Variants in RFX4 observed in about 807,000 individuals in gnomAD.
The protein encoded by RFX4 is regulatory factor X4.
In RFX4, 10 loss-of-function variants were observed where a neutral mutation model predicts 95.0. That is an observed-to-expected ratio of 0.11 (90% confidence interval 0.06 to 0.18). The LOEUF is 0.18. RFX4 is among the 10% of genes least tolerant of loss of function. RFX4 has a pLI of 1.00. For synonymous variants in RFX4, 321 were observed against 340.7 expected (o/e 0.94, Z 0.64); for missense variants, 640 against 922.0 (o/e 0.69, Z 3.96).
intron 3 of RFX4, 78 bp from the exon 4 acceptor site, chr12:106,654,150 G>A (rs1347346118): frequency 1.9e-6 from 3 of 1,583,086 alleles, no homozygotes; most frequent in Non-Finnish European, 2.6e-6. Flanking sequence ...GCCCATCTCT[G>A]GAGGACTAGA....
At chr12:106,601,496 C>A (rs2039709601) in intron 1 of RFX4, 1 of 703,958 alleles carries the variant, frequency 1.4e-6, no homozygotes, top group Non-Finnish European at 2.4e-6. Context: ...AAATAGGCCT[C>A]AGCACAGTGC....
At chr12:106,622,953 G>T (rs2040214686) in intron 2 of RFX4, among the ~76,000 whole-genome samples, 1 of 151,444 alleles carries the variant, frequency 6.6e-6, no homozygotes, top group African/African-American at 2.4e-5. Flanking sequence ...CAGGTGTCAA[G>T]AGTCTTGCCC....
chr12:106,601,451 C>A, intron 1 of RFX4: 1 of 1,205,254 alleles, frequency 8.3e-7, no homozygotes, highest in Non-Finnish European at 1.2e-6. Flanking sequence ...CATGTCAACT[C>A]TTTTATGTAG....
intron 2 of RFX4, among the ~76,000 whole-genome samples, chr12:106,622,787 ATTTTTGTAT>A (rs1171076718): frequency 2.0e-5 from 3 of 151,636 alleles, no homozygotes; most frequent in Non-Finnish European, 4.4e-5. Context: ...CGTCCAACTA[ATTTTTGTAT>A]TTTTAGTAGA....
chr12:106,634,071 G>A (rs1157409743), intron 2 of RFX4, among the ~76,000 whole-genome samples: 3 of 152,214 alleles, frequency 2.0e-5, no homozygotes, highest in Non-Finnish European at 4.4e-5. Flanking sequence ...GATAAAAGAT[G>A]AGGCAAATAG....
rs34213070 is a variant in RFX4 at position 106,704,065 on chromosome 12, C to CAAAAAAAAA, written c.834-5247_834-5239dup. ...TGGGTGACATAGCAAGACACTGTCT[C>CAAAAAAAAA]AAAAAAAAAAAAAAAAAAAAAAAAA... is the stretch of plus-strand genomic sequence containing the variant. On this transcript the variant is annotated intron_variant, in intron 8 of 17. Coordinates refer to ENST00000392842, the MANE Select transcript of RFX4 (RefSeq NM_213594.3). Among the ~76,000 whole-genome samples the CAAAAAAAAA allele has an allele frequency of 2.7e-4, 11 of 40,962 alleles. 4 individuals are homozygous for CAAAAAAAAA. The highest frequency in any genetic ancestry group is 2.2e-4 in the Non-Finnish European group (4 of 18,470). The allele number at this position is 40,962 out of a possible 152,430, so 26.9% of individuals were successfully genotyped here.
rs1050218309 is a variant in RFX4 at position 106,651,711 on chromosome 12, T to C, written c.192-2517T>C. Among the ~76,000 whole-genome samples, 47 of 151,908 alleles carry C rather than the reference T, an allele frequency of 3.1e-4. 2 individuals carry two copies. The highest frequency in any genetic ancestry group is 3.2e-3 in the Middle Eastern group (1 of 316). On this transcript the variant is annotated intron_variant, in intron 3 of 17. Coordinates refer to ENST00000392842, the MANE Select transcript of RFX4 (RefSeq NM_213594.3). ...AGAAAATAGACAGGGTACAAAGAAA[T>C]AGGGAGGAGTGAGGACTCTGGCCAA...
At chr12:106,699,552 T>C (rs910991717) in intron 8 of RFX4, among the ~76,000 whole-genome samples, 6 of 152,228 alleles carry the variant, frequency 3.9e-5, no homozygotes, top group Admixed American at 2.0e-4. Flanking sequence ...ACATTTTTGC[T>C]TCATGTATTT....
chr12:106,750,570 A>T, intron 16 of RFX4, 85 bp from the exon 17 acceptor site: 3 of 1,293,398 alleles, frequency 2.3e-6, no homozygotes, highest in Non-Finnish European at 2.0e-6. Flanking sequence ...AAAAGGAAAA[A>T]AAATAGATGA....
chr12:106,720,906 A>T lies in RFX4; in HGVS notation c.1351+30A>T, dbSNP rs2042384795. 2 of 1,585,666 alleles carry T rather than the reference A, an allele frequency of 1.3e-6. No homozygotes were observed. The highest frequency in any genetic ancestry group is 1.7e-6 in the Non-Finnish European group (2 of 1,155,946). ...GGCCACCCCAGCCCTCCCCATCTCC[A>T]AGCACTTTTTCCTCTGGGCACGGAG... is the stretch of plus-strand genomic sequence containing the variant. On this transcript the variant is annotated intron_variant, in intron 13 of 17. Transcript: ENST00000392842. This position sits in a 1 kb window ranked among gnomAD's most constrained non-coding sequence, Gnocchi z 4.2.
At chr12:106,704,065 C>CAA (rs34213070) in intron 8 of RFX4, among the ~76,000 whole-genome samples, 545 of 40,844 alleles carry the variant, frequency 0.013, 37 homozygotes, top group East Asian at 0.046. Flanking sequence ...GACACTGTCT[C>CAA]AAAAAAAAAA....
intron 4 of RFX4, among the ~76,000 whole-genome samples, chr12:106,677,383 C>T (rs1466345961): frequency 1.3e-5 from 2 of 151,980 alleles, no homozygotes; most frequent in Non-Finnish European, 2.9e-5. Context: ...AAGCCTGGAG[C>T]TCTGGGGAGT....
chr12:106,598,421 A>C (rs1448918696), intron 1 of RFX4, among the ~76,000 whole-genome samples: 2 of 152,024 alleles, frequency 1.3e-5, no homozygotes, highest in Non-Finnish European at 2.9e-5. Context: ...TGCTAGAGTT[A>C]CAGTTCTCTT....
At chr12:106,625,988 A>G (rs1335166799) in intron 2 of RFX4, among the ~76,000 whole-genome samples, 3 of 152,192 alleles carry the variant, frequency 2.0e-5, no homozygotes, top group Admixed American at 2.0e-4. Flanking sequence ...TGTCTTTTCC[A>G]TGGATCCCTG....
intron 1 of RFX4, among the ~76,000 whole-genome samples, chr12:106,607,319 A>C (rs1446599403): frequency 6.6e-6 from 1 of 152,220 alleles, no homozygotes; most frequent in Admixed American, 6.5e-5. Context: ...AACCTAATAA[A>C]AATGATATCA....
At chr12:106,605,548 A>G (rs951371878) in intron 1 of RFX4, among the ~76,000 whole-genome samples, 12 of 152,234 alleles carry the variant, frequency 7.9e-5, no homozygotes, top group Non-Finnish European at 1.3e-4. Flanking sequence ...GTCCAGAACA[A>G]CATAGGTGAT....
chr12:106,632,161 G>A (rs186777695), intron 2 of RFX4, among the ~76,000 whole-genome samples: 35 of 152,332 alleles, frequency 2.3e-4, no homozygotes, highest in Non-Finnish European at 4.0e-4. Flanking sequence ...AGAGAGGAGA[G>A]CAGAGATGCT....
intron 2 of RFX4, among the ~76,000 whole-genome samples, chr12:106,627,860 A>T (rs2040334479): frequency 6.6e-6 from 1 of 152,194 alleles, no homozygotes; most frequent in Non-Finnish European, 1.5e-5. Flanking sequence ...TTCCACTGAG[A>T]TGTAGGCCAA....
chr12:106,664,528 AT>A lies in RFX4; in HGVS notation c.315+10179del, dbSNP rs571578278. Among the ~76,000 whole-genome samples, 5 of 151,634 alleles carry A rather than the reference AT, an allele frequency of 3.3e-5. No individual in the cohort carries two copies. In the South Asian group the frequency reaches 1.0e-3, roughly 32 times the overall value. On this transcript the variant is annotated intron_variant, in intron 4 of 17. Transcript: ENST00000392842. Reference sequence around the variant, plus strand: ...GCTTTTGATTTTATTGATTTTCTTTATTGATTTCCTGTTTTCAATTTCATTG... The same window carrying A: ...GCTTTTGATTTTATTGATTTTCTTTATGATTTCCTGTTTTCAATTTCATTG...
Sources: allele counts gnomAD v4.1 joint callset (sites outside exome capture counted in the v4.1 genomes callset), GRCh38; gene constraint gnomAD v4.1.1; non-coding constraint Gnocchi (gnomAD v3.1); transcripts MANE v1.5; gene names NCBI Gene and HGNC (gene_info 2026-07-23, HGNC 2026-07-21).